Variants in DNAI4 observed in about 807,000 individuals in gnomAD.
DNAI4 encodes WD repeat domain 78.
Under a neutral mutation model 105.8 loss-of-function variants are expected in DNAI4, and 85 were observed. That is an observed-to-expected ratio of 0.80 (90% CI 0.67 to 0.96). DNAI4 has a LOEUF of 0.96. Among genes scored for constraint, DNAI4 ranks in the 40% least tolerant of loss-of-function variants. The pLI, the probability that DNAI4 is intolerant of heterozygous loss-of-function variation, is 0.00. For missense variants in DNAI4, 1,014 were observed against 1,005.6 expected, an observed-to-expected ratio of 1.01 and a Z score of -0.11; for synonymous variants, 352 against 331.5, an observed-to-expected ratio of 1.06 and a Z score of -0.67.
chr1:66,869,523 T>A (rs1017619805), intron 6 of DNAI4, among the ~76,000 whole-genome samples: 1 of 152,164 alleles, frequency 6.6e-6, no homozygotes, highest in Non-Finnish European at 1.5e-5. Flanking sequence ...TTACTACATA[T>A]TAATATTTGG....
intron 6 of DNAI4, among the ~76,000 whole-genome samples, chr1:66,866,355 A>G (rs1314654587): frequency 6.6e-6 from 1 of 152,184 alleles, no homozygotes; most frequent in African/African-American, 2.4e-5. Flanking sequence ...TAGATGCAGA[A>G]AAGAATTCAG....
chr1:66,905,774 T>C (rs1649194786), intron 1 of DNAI4, among the ~76,000 whole-genome samples: 1 of 152,184 alleles, frequency 6.6e-6, no homozygotes. Flanking sequence ...GAGGATTAAA[T>C]AAATTAATTT....
rs1222179658 is a variant in DNAI4, at chr1:66,813,322, G to A, written c.*808C>T. On this transcript the variant is annotated 3_prime_UTR_variant, in exon 17 of 17. Transcript: ENST00000371026. ...GGCCTGTTAGCAATGAATATTTGGA[G>A]GAGTCACTGCTCCCCATCTCCACCC... 1 of 152,334 alleles carries A rather than the reference G, an allele frequency of 6.6e-6. No individual in the cohort carries two copies. Among genetic ancestry groups the A allele is most frequent in the African/African-American group, 2.4e-5 (1 of 41,442 alleles). The allele number at this position is 152,334 out of a possible 1,614,324, so 9.4% of individuals were successfully genotyped here.
At chr1:66,883,356 A>T (rs1382752072) in intron 4 of DNAI4, among the ~76,000 whole-genome samples, 2 of 151,842 alleles carry the variant, frequency 1.3e-5, no homozygotes, top group Non-Finnish European at 2.9e-5. Context: ...GGGCTCACTG[A>T]AACCTCCACC....
intron 5 of DNAI4, among the ~76,000 whole-genome samples, chr1:66,874,452 T>C (rs1200767827): frequency 2.0e-5 from 3 of 152,144 alleles, no homozygotes; most frequent in Admixed American, 6.5e-5. Flanking sequence ...TTTATATATG[T>C]ATAAAAGTAA....
intron 13 of DNAI4, 105 bp downstream of exon 13, chr1:66,833,480 C>A (rs1645912065): frequency 7.8e-7 from 1 of 1,288,586 alleles, no homozygotes; most frequent in African/African-American, 1.5e-5. Context: ...ATATTAGGCA[C>A]AGTATTCATT....
At chr1:66,824,864 A>G (rs928240910) in intron 15 of DNAI4, among the ~76,000 whole-genome samples, 1 of 152,242 alleles carries the variant, frequency 6.6e-6, no homozygotes, top group Non-Finnish European at 1.5e-5. Context: ...TCATACAATT[A>G]GTTGAAGGCC....
At chr1:66,883,327 G>C (rs1042825807) in intron 4 of DNAI4, among the ~76,000 whole-genome samples, 1 of 151,926 alleles carries the variant, frequency 6.6e-6, no homozygotes, top group Non-Finnish European at 1.5e-5. Flanking sequence ...CACCAGACTG[G>C]AGTGCAATGG....
At chr1:66,815,283 C>T (rs542525137) in intron 16 of DNAI4, among the ~76,000 whole-genome samples, 64 of 152,130 alleles carry the variant, frequency 4.2e-4, no homozygotes, top group African/African-American at 1.5e-3. Context: ...ATCCTTAGAC[C>T]GTGTCACATA....
chr1:66,840,921 CA>C (rs2100481035), intron 8 of DNAI4, among the ~76,000 whole-genome samples: 2 of 152,292 alleles, frequency 1.3e-5, no homozygotes, highest in Admixed American at 1.3e-4. Flanking sequence ...GTAGCACATC[CA>C]AATGACAAAT....
At chr1:66,898,241 T>A (rs1648506821) in intron 2 of DNAI4, among the ~76,000 whole-genome samples, 1 of 152,180 alleles carries the variant, frequency 6.6e-6, no homozygotes, top group African/African-American at 2.4e-5. Flanking sequence ...ATAGTTTGTT[T>A]TGATTTCACA....
At chr1:66,915,111 C>A (rs1315499082) in intron 1 of DNAI4, among the ~76,000 whole-genome samples, 1 of 152,172 alleles carries the variant, frequency 6.6e-6, no homozygotes, top group African/African-American at 2.4e-5. Context: ...CAGCCCAAGA[C>A]AGAATGACCT....
chr1:66,824,313 C>A (rs1645701825), intron 15 of DNAI4, among the ~76,000 whole-genome samples: 1 of 148,868 alleles, frequency 6.7e-6, no homozygotes, highest in Non-Finnish European at 1.5e-5. Flanking sequence ...GTTACTGTAG[C>A]CTTGTAGTAT....
In DNAI4 at chr1:66,827,040, C is replaced by A. The variant is rs536119629; in HGVS notation, c.2119G>T (p.Val707Leu). 1 of 1,608,244 alleles carries A rather than the reference C, an allele frequency of 6.2e-7. No homozygotes were observed. The highest frequency in any genetic ancestry group is 1.3e-5 in the African/African-American group (1 of 74,472). Reference protein sequence around the residue: ...LDTYRGHKGPVYKVTWNPFCH... With the variant: ...LDTYRGHKGPLYKVTWNPFCH... ...AATGGATTCCATGTCACTTTATACA[C>A]TGGACCCTAGAAATAAAAAAAAAAT... The change falls in exon 15 of 17, where the codon GTG becomes TTG. Residue 707 changes from valine (V) to leucine (L), a missense_variant. Coordinates refer to ENST00000371026, the MANE Select transcript of DNAI4 (RefSeq NM_024763.5).
chr1:66,892,541 G>T (rs1647747813), intron 3 of DNAI4, among the ~76,000 whole-genome samples: 1 of 152,172 alleles, frequency 6.6e-6, no homozygotes, highest in African/African-American at 2.4e-5. Context: ...TGTTGTGAGT[G>T]TATGGAAACT....
intron 5 of DNAI4, among the ~76,000 whole-genome samples, chr1:66,871,980 T>C (rs1238845863): frequency 6.6e-6 from 1 of 152,146 alleles, no homozygotes; most frequent in Non-Finnish European, 1.5e-5. Flanking sequence ...GCCTTATGAA[T>C]AATTTTTTAT....
At chr1:66,871,966 C>T (rs1646856095) in intron 5 of DNAI4, among the ~76,000 whole-genome samples, 1 of 152,106 alleles carries the variant, frequency 6.6e-6, no homozygotes, top group African/African-American at 2.4e-5. Flanking sequence ...GACCTTGCTT[C>T]ATAGCCTTAT....
chr1:66,848,072 A>G (rs1646315901), intron 7 of DNAI4: 1 of 387,522 alleles, frequency 2.6e-6, no homozygotes, highest in Non-Finnish European at 5.0e-6. Flanking sequence ...CAGTGGCTTA[A>G]AACAATGCAA....
At position 66,871,718 on chromosome 1, in the gene DNAI4, T is replaced by C. The variant is rs575019565; in HGVS notation, c.801-209A>G. The stretch of plus-strand genomic sequence containing the variant: ...TACTGTGTCTATTTCCCAACATCCC[T>C]ACTACTATCGGTACCTTATCAATAA... On this transcript the variant is annotated intron_variant, in intron 5 of 16. Coordinates refer to ENST00000371026, the MANE Select transcript of DNAI4 (RefSeq NM_024763.5). 2.0e-5 allele frequency among the ~76,000 whole-genome samples: 3 copies of C among 152,328 alleles called. No individual in the cohort carries two copies. In the South Asian group the frequency reaches 6.2e-4, roughly 32 times the overall value.
Sources: gnomAD v4.1 joint callset for allele counts (sites outside exome capture counted in the v4.1 genomes callset) on GRCh38, gnomAD v4.1.1 for gene constraint, MANE v1.5 for transcripts, NCBI Gene and HGNC (gene_info 2026-07-23, HGNC 2026-07-21) for gene names.